The following SORCS3 variants were observed in gnomAD, a reference collection of about 807,000 sequenced individuals.
SORCS3 encodes the protein VPS10 domain-containing receptor SorCS3.
In SORCS3, 57 loss-of-function variants were observed where a neutral mutation model predicts 146.3. The ratio of observed to expected loss-of-function variants is 0.39; its 90% CI spans 0.31 to 0.49. The LOEUF (loss-of-function observed/expected upper bound fraction) is 0.49. SORCS3 is among the 20% of genes least tolerant of loss of function. The probability of loss-of-function intolerance (pLI) is 0.92; values close to 1 mark genes in which losing one functional copy is unlikely to be tolerated. For synonymous variants in SORCS3, 653 were observed against 618.5 expected (o/e 1.06, Z -0.83); for missense variants, 1,341 against 1,575.5 (o/e 0.85, Z 2.52).
chr10:104,748,668 C>G (rs1312579081), intron 1 of SORCS3, among the ~76,000 whole-genome samples: 1 of 152,080 alleles, frequency 6.6e-6, no homozygotes, highest in African/African-American at 2.4e-5. Flanking sequence ...GCCTGGCCAA[C>G]TTGGTGAAAC....
chr10:105,052,592 G>C (rs1318056468), intron 5 of SORCS3, among the ~76,000 whole-genome samples: 3 of 152,096 alleles, frequency 2.0e-5, no homozygotes, highest in African/African-American at 7.2e-5. Flanking sequence ...AAGAGACTTT[G>C]ACTACTGCCA....
chr10:105,036,834 G>C (rs865892262), intron 4 of SORCS3, among the ~76,000 whole-genome samples: 1 of 152,112 alleles, frequency 6.6e-6, no homozygotes, highest in African/African-American at 2.4e-5. Context: ...AAGAGAACCA[G>C]CCTCATTTTA....
chr10:104,901,539 A>G (rs1450381592), intron 2 of SORCS3, among the ~76,000 whole-genome samples: 4 of 152,148 alleles, frequency 2.6e-5, no homozygotes. Flanking sequence ...TCAGAGTTTT[A>G]TCTAATAGCA....
chr10:105,220,287 G>C (rs1006192701), intron 19 of SORCS3, among the ~76,000 whole-genome samples: 1 of 152,166 alleles, frequency 6.6e-6, no homozygotes, highest in South Asian at 2.1e-4. Context: ...AAACATGCTT[G>C]TCCTGAAGCT....
intron 2 of SORCS3, among the ~76,000 whole-genome samples, chr10:104,877,433 G>A (rs991000094): frequency 1.3e-5 from 2 of 152,078 alleles, no homozygotes; most frequent in Non-Finnish European, 2.9e-5. Flanking sequence ...TACACTTACA[G>A]TGCCTCTCAT....
chr10:104,743,298 A>G (rs2016871493), intron 1 of SORCS3, among the ~76,000 whole-genome samples: 1 of 152,222 alleles, frequency 6.6e-6, no homozygotes. Flanking sequence ...TCTCTGCCAT[A>G]GCGGGGTGAA....
intron 3 of SORCS3, among the ~76,000 whole-genome samples, chr10:104,948,606 C>T (rs2019397136): frequency 6.6e-6 from 1 of 152,186 alleles, no homozygotes; most frequent in Non-Finnish European, 1.5e-5. Flanking sequence ...CTTTCCGGTT[C>T]GATGTCTGCC....
At chr10:104,901,377 G>A (rs1211428757) in intron 2 of SORCS3, among the ~76,000 whole-genome samples, 1 of 152,162 alleles carries the variant, frequency 6.6e-6, no homozygotes, top group African/African-American at 2.4e-5. Flanking sequence ...CTGTGACTTC[G>A]AAGTTTGTGC....
At chr10:105,135,539 A>T (rs1380185917) in intron 7 of SORCS3, among the ~76,000 whole-genome samples, 1 of 152,146 alleles carries the variant, frequency 6.6e-6, no homozygotes, top group Admixed American at 6.5e-5. Flanking sequence ...TAAACTTTAC[A>T]TGGCCAGGCT....
intron 23 of SORCS3, among the ~76,000 whole-genome samples, chr10:105,254,138 T>C (rs2056917042): frequency 6.6e-6 from 1 of 152,170 alleles, no homozygotes; most frequent in African/African-American, 2.4e-5. Context: ...ACAAAAATTA[T>C]CCCATAAAAA....
intron 1 of SORCS3, among the ~76,000 whole-genome samples, chr10:104,715,124 A>G (rs1004212475): frequency 1.3e-5 from 2 of 152,160 alleles, no homozygotes; most frequent in Non-Finnish European, 2.9e-5. Flanking sequence ...TGACTGGGTT[A>G]AGGGATGCCC....
intron 1 of SORCS3, among the ~76,000 whole-genome samples, chr10:104,812,351 T>A (rs1185042381): frequency 6.6e-6 from 1 of 152,206 alleles, no homozygotes; most frequent in African/African-American, 2.4e-5. Flanking sequence ...GGTCCATCCT[T>A]AGTTATTTCC....
intron 2 of SORCS3, among the ~76,000 whole-genome samples, chr10:104,853,266 T>A (rs1035610349): frequency 1.3e-5 from 2 of 152,212 alleles, no homozygotes; most frequent in African/African-American, 4.8e-5. Flanking sequence ...ACCACTGCAC[T>A]CCAGCCTGGA....
intron 6 of SORCS3, among the ~76,000 whole-genome samples, chr10:105,101,825 G>C (rs2055787243): frequency 6.6e-6 from 1 of 152,176 alleles, no homozygotes; most frequent in Non-Finnish European, 1.5e-5. Flanking sequence ...GACACTGGCT[G>C]GTAAGAAGGA....
At chr10:104,969,319 GT>G (rs1298165591) in intron 3 of SORCS3, among the ~76,000 whole-genome samples, 19 of 150,614 alleles carry the variant, frequency 1.3e-4, no homozygotes, top group Admixed American at 1.2e-3. Flanking sequence ...GTGTGTGTGT[GT>G]GTGTGTGTGT....
At chr10:105,236,820 C>T (rs764422691) in intron 20 of SORCS3, among the ~76,000 whole-genome samples, 4 of 151,996 alleles carry the variant, frequency 2.6e-5, no homozygotes, top group East Asian at 1.9e-4. Flanking sequence ...GAGTTTGTAT[C>T]GATTTCTCTA....
At chr10:105,024,560 T>C (rs566446004) in intron 4 of SORCS3, among the ~76,000 whole-genome samples, 4 of 152,310 alleles carry the variant, frequency 2.6e-5, no homozygotes, top group African/African-American at 9.6e-5. Flanking sequence ...AGATCAGATC[T>C]TTGCCTAACC....
At chr10:104,820,343 T>C (rs1350462625) in intron 1 of SORCS3, among the ~76,000 whole-genome samples, 2 of 152,214 alleles carry the variant, frequency 1.3e-5, no homozygotes, top group African/African-American at 4.8e-5. Flanking sequence ...CTGGTACTAC[T>C]TGCATTATTG....
intron 4 of SORCS3, among the ~76,000 whole-genome samples, chr10:104,980,977 A>C (rs915137811): frequency 6.6e-6 from 1 of 152,202 alleles, no homozygotes; most frequent in African/African-American, 2.4e-5. Context: ...TGTCTACCTG[A>C]TACCGGCCAA....
Sources: gnomAD v4.1 joint callset for allele counts (sites outside exome capture counted in the v4.1 genomes callset) on GRCh38, gnomAD v4.1.1 for gene constraint, MANE v1.5 for transcripts, NCBI Gene and HGNC (gene_info 2026-07-23, HGNC 2026-07-21) for gene names.